The following FBXO38 variants were observed in gnomAD, a reference collection of about 807,000 sequenced individuals.
The protein encoded by FBXO38 is F-box protein 38.
FBXO38 carries 53 observed loss-of-function variants against 131.9 expected under a neutral mutation model. That is an observed-to-expected ratio of 0.40 (90% CI 0.32 to 0.51). The LOEUF is 0.51. FBXO38 is among the 20% of genes least tolerant of loss of function. FBXO38 has a pLI of 0.53. For missense variants in FBXO38, 1,076 were observed against 1,475.6 expected (o/e 0.73, Z 4.44); for synonymous variants, 452 against 505.6 (o/e 0.89, Z 1.42).
chr5:148,412,317 A>C (rs139171169), intron 9 of FBXO38, among the ~76,000 whole-genome samples: 1 of 152,088 alleles, frequency 6.6e-6, no homozygotes, highest in East Asian at 1.9e-4. Context: ...GTTATGGACG[A>C]TATCATGAGG....
At chr5:148,397,936 G>A (rs1159716362) in intron 2 of FBXO38, among the ~76,000 whole-genome samples, 1 of 152,118 alleles carries the variant, frequency 6.6e-6, no homozygotes, top group Non-Finnish European at 1.5e-5. Flanking sequence ...TATTTACAGA[G>A]ATGTAGATGG....
chr5:148,421,626 T>C (rs1312835818), intron 12 of FBXO38, among the ~76,000 whole-genome samples: 2 of 152,136 alleles, frequency 1.3e-5, no homozygotes. Flanking sequence ...CATACATATA[T>C]ATGTATACAT....
At chr5:148,434,221 T>C (rs1754208250) in intron 17 of FBXO38, 1 of 131,066 alleles carries the variant, frequency 7.6e-6, no homozygotes, top group Non-Finnish European at 1.7e-5. Flanking sequence ...CCCTCATTGT[T>C]AATCTCATCT....
At chr5:148,396,215 C>T (rs1055731308) in intron 2 of FBXO38, among the ~76,000 whole-genome samples, 42 of 151,838 alleles carry the variant, frequency 2.8e-4, no homozygotes, top group African/African-American at 8.5e-4. Flanking sequence ...ATGATATTAA[C>T]GTTCATCTGG....
chr5:148,402,557 C>T lies in FBXO38; in HGVS notation c.592+44C>T, dbSNP rs551371132. On this transcript the variant is annotated intron_variant, in intron 5 of 21. Coordinates refer to ENST00000340253, the MANE Select transcript of FBXO38 (RefSeq NM_205836.3). ...GGTCACTTGTAACTCCTTGAAATGC[C>T]ATAAAATGTGAATATTCACTGAAAA... The T allele has an allele frequency of 2.0e-5, 28 of 1,414,570 alleles. No individual in the cohort carries two copies. In the South Asian group the frequency reaches 3.5e-4, roughly 17 times the overall value. The allele number at this position is 1,414,570 out of a possible 1,614,324, so 87.6% of individuals were successfully genotyped here.
chr5:148,411,297 C>G (rs7730971), intron 9 of FBXO38, among the ~76,000 whole-genome samples: 106,495 of 152,098 alleles, frequency 0.7, 39,265 homozygotes, highest in East Asian at 0.93. Context: ...ATTTTCTTAC[C>G]CATTTACAAT....
rs746462800 is a variant in FBXO38, at chr5:148,404,726, C to G, written c.634C>G (p.His212Asp). 1 of 1,601,216 alleles carries G rather than the reference C, an allele frequency of 6.2e-7. No individual in the cohort carries two copies. Among genetic ancestry groups the G allele is most frequent in the South Asian group, 1.1e-5 (1 of 87,816 alleles). The change falls in exon 6 of 22, where the codon CAC (histidine) becomes GAC (aspartate). Residue 212 changes from histidine to aspartate, a missense_variant. Coordinates refer to ENST00000340253, the MANE Select transcript of FBXO38 (RefSeq NM_205836.3). ...PEIPCIPMLR[H>D]LYMKWVRLTK... is the part of the protein sequence containing the mutation. ...AATTCCTTGTATCCCAATGCTAAGG[C>G]ACCTTTATATGAAGTGGGTAAGACT...
rs60593654 is a variant in FBXO38, at chr5:148,393,188, GGTGTGTGTGTGTGTGT to G, written c.-63-1494_-63-1479del. On this transcript the variant is annotated intron_variant, in intron 1 of 21. Transcript: ENST00000340253. The stretch of plus-strand genomic sequence containing the variant: ...TACTGGTTAGAAACAACAGAAGAGG[GGTGTGTGTGTGTGTGT>G]GTGTGTGTGTGTGTGTGTGTGTGTG... Among the ~76,000 whole-genome samples the G allele has an allele frequency of 1.3e-3, 159 of 127,084 alleles. 1 individual carries two copies. The highest frequency in any genetic ancestry group is 4.4e-3 in the African/African-American group (146 of 32,842). The allele number at this position is 127,084 out of a possible 152,430, so 83.4% of individuals were successfully genotyped here.
chr5:148,392,609 G>GTA (rs1416741156), intron 1 of FBXO38, among the ~76,000 whole-genome samples: 2 of 151,450 alleles, frequency 1.3e-5, no homozygotes, highest in Non-Finnish European at 2.9e-5. Flanking sequence ...GTGTGTGTGT[G>GTA]TGTGTGTGTG....
intron 12 of FBXO38, among the ~76,000 whole-genome samples, chr5:148,422,101 T>C (rs1254763731): frequency 6.6e-6 from 1 of 152,136 alleles, no homozygotes; most frequent in Non-Finnish European, 1.5e-5. Flanking sequence ...GCCTATTTTC[T>C]TGCCCAGCTA....
chr5:148,395,320 A>G (rs193211110), intron 2 of FBXO38, among the ~76,000 whole-genome samples: 115 of 152,268 alleles, frequency 7.6e-4, no homozygotes, highest in Middle Eastern at 3.4e-3. Flanking sequence ...ACAGTGAGAA[A>G]CATAACATGT....
In FBXO38 at chr5:148,402,427, G is replaced by A. The variant is rs771708027; in HGVS notation, c.506G>A (p.Arg169His). ...CATGTTCATATTTTGGGGAAATTTC[G>A]TAATCGTAATGGAGCTTTTCCAATT... ...MPHVHILGKF[R>H]NRNGAFPIPP... is the part of the protein sequence containing the mutation. Residue 169 changes from arginine (R) to histidine (H), a missense_variant, in exon 5 of 22, where the codon CGT (arginine) becomes CAT (histidine). Coordinates refer to ENST00000340253, the MANE Select transcript of FBXO38 (RefSeq NM_205836.3). 32 of 1,613,016 alleles carry A rather than the reference G, an allele frequency of 2.0e-5. No homozygotes were observed. The highest frequency in any genetic ancestry group is 2.7e-5 in the African/African-American group (2 of 74,840).
At chr5:148,399,746 G>T (rs992754705) in intron 3 of FBXO38, among the ~76,000 whole-genome samples, 29 of 152,184 alleles carry the variant, frequency 1.9e-4, no homozygotes, top group African/African-American at 6.5e-4. Flanking sequence ...ATACTTGAAA[G>T]AGTTAAAATA....
intron 1 of FBXO38, among the ~76,000 whole-genome samples, chr5:148,391,319 G>A (rs1339650160): frequency 6.6e-6 from 1 of 151,406 alleles, no homozygotes; most frequent in Non-Finnish European, 1.5e-5. Flanking sequence ...GCAAGGACTT[G>A]TTGTCACCTA....
At chr5:148,422,046 T>C (rs1561535116) in intron 12 of FBXO38, among the ~76,000 whole-genome samples, 1 of 140,126 alleles carries the variant, frequency 7.1e-6, no homozygotes, top group Non-Finnish European at 1.6e-5. Flanking sequence ...CAGACCTTTC[T>C]CTTTTTTTTT....
At chr5:148,410,832 A>T in intron 9 of FBXO38, 67 bp downstream of exon 9, 1 of 1,471,452 alleles carries the variant, frequency 6.8e-7, no homozygotes, top group East Asian at 2.3e-5. Context: ...CTGAAATCTG[A>T]ATTGGGTTGT....
chr5:148,420,262 A>G (rs374247746), intron 12 of FBXO38, among the ~76,000 whole-genome samples: 1 of 151,874 alleles, frequency 6.6e-6, no homozygotes, highest in African/African-American at 2.4e-5. Flanking sequence ...AGCTGGGACT[A>G]CAAACGCGTG....
chr5:148,435,299 G>A (rs1341372004), intron 17 of FBXO38, among the ~76,000 whole-genome samples: 1 of 152,078 alleles, frequency 6.6e-6, no homozygotes, highest in South Asian at 2.1e-4. Flanking sequence ...CATCAATAAG[G>A]CTGTTTTGCT....
chr5:148,423,758 T>G, intron 12 of FBXO38: 1 of 282,542 alleles, frequency 3.5e-6, no homozygotes, highest in Non-Finnish European at 6.7e-6. Flanking sequence ...TTGTATGAGT[T>G]TGATGGGCTT....
Sources: allele counts gnomAD v4.1 joint callset (sites outside exome capture counted in the v4.1 genomes callset), GRCh38; gene constraint gnomAD v4.1.1; transcripts MANE v1.5; gene names NCBI Gene and HGNC (gene_info 2026-07-23, HGNC 2026-07-21).